PP2D1: variants seen among roughly 807,000 people sequenced by gnomAD.
PP2D1 encodes protein phosphatase 2C like domain containing 1, also known as protein phosphatase 2C-like domain-containing protein 1.
Under a neutral mutation model 30.2 loss-of-function variants are expected in PP2D1, and 25 were observed. The observed-to-expected ratio is 0.83, with a 90% CI of 0.60 to 1.16. The LOEUF is 1.16. PP2D1 is among the 50% of genes most tolerant of loss of function. The probability of loss-of-function intolerance (pLI) is 0.00; values close to 1 mark genes in which losing one functional copy is unlikely to be tolerated. For synonymous variants in PP2D1, 260 were observed against 258.9 expected (o/e 1.00, Z -0.04); for missense variants, 760 against 742.4 (o/e 1.02, Z -0.28).
At chr3:20,002,396 C>A (rs1697267772) in intron 1 of PP2D1, among the ~76,000 whole-genome samples, 1 of 152,076 alleles carries the variant, frequency 6.6e-6, no homozygotes, top group Non-Finnish European at 1.5e-5. Flanking sequence ...TATTTGAGAC[C>A]TGAGATTCTG....
At chr3:19,986,869 T>C (rs1697044775) in intron 2 of PP2D1, among the ~76,000 whole-genome samples, 1 of 152,006 alleles carries the variant, frequency 6.6e-6, no homozygotes, top group Non-Finnish European at 1.5e-5. Flanking sequence ...ACCCCATCTC[T>C]ACTAAAAATA....
chr3:20,007,506 C>T (rs370245526), intron 1 of PP2D1, among the ~76,000 whole-genome samples: 8 of 151,986 alleles, frequency 5.3e-5, no homozygotes, highest in East Asian at 3.9e-4. Context: ...CGGTGGCTCA[C>T]GCCTGTGATC....
intron 2 of PP2D1, among the ~76,000 whole-genome samples, chr3:19,996,276 AAC>A (rs1404341390): frequency 6.6e-6 from 1 of 152,150 alleles, no homozygotes; most frequent in Non-Finnish European, 1.5e-5. Context: ...GCCACTAAAA[AAC>A]AAAAGATCAT....
chr3:19,995,022 GT>G (rs1697159742), intron 2 of PP2D1, among the ~76,000 whole-genome samples: 1 of 152,174 alleles, frequency 6.6e-6, no homozygotes, highest in Non-Finnish European at 1.5e-5. Context: ...GCTTAGGAAT[GT>G]TTTGCCTCAG....
At chr3:19,990,420 G>A (rs1431815056) in intron 2 of PP2D1, among the ~76,000 whole-genome samples, 2 of 152,180 alleles carry the variant, frequency 1.3e-5, no homozygotes, top group Non-Finnish European at 2.9e-5. Context: ...AAAATGCTGG[G>A]ATTACAAGTG....
intron 2 of PP2D1, 111 bp from the exon 3 acceptor site, chr3:19,986,293 A>G (rs1697033851): frequency 2.6e-6 from 2 of 758,476 alleles, no homozygotes; most frequent in East Asian, 2.8e-5. Context: ...AACAGAAAGC[A>G]GGCTATGTAA....
At chr3:19,999,920 C>T (rs1697231037) in intron 2 of PP2D1, among the ~76,000 whole-genome samples, 1 of 152,142 alleles carries the variant, frequency 6.6e-6, no homozygotes, top group Non-Finnish European at 1.5e-5. Flanking sequence ...TGGACATGCA[C>T]TTAGCTTTCT....
At chr3:19,980,516 C>CTGTG (rs1696904700), downstream of PP2D1, among the ~76,000 whole-genome samples, 1 of 150,938 alleles carries the variant, frequency 6.6e-6, no homozygotes, top group Non-Finnish European at 1.5e-5. Flanking sequence ...ACACAGTGCA[C>CTGTG]TCATAACAAC....
intron 1 of PP2D1, among the ~76,000 whole-genome samples, chr3:20,006,409 G>A (rs1697319163): frequency 6.6e-6 from 1 of 152,184 alleles, no homozygotes; most frequent in South Asian, 2.1e-4. Flanking sequence ...GGTATCTGTG[G>A]GGCTTGGTTC....
chr3:19,988,541 G>C (rs1389378307), intron 2 of PP2D1, among the ~76,000 whole-genome samples: 1 of 152,138 alleles, frequency 6.6e-6, no homozygotes, highest in Non-Finnish European at 1.5e-5. Context: ...CAGGTCCTGT[G>C]ATCTCGTTCT....
At chr3:19,989,941 G>A (rs557697892) in intron 2 of PP2D1, among the ~76,000 whole-genome samples, 1 of 151,856 alleles carries the variant, frequency 6.6e-6, no homozygotes, top group Admixed American at 6.6e-5. Flanking sequence ...TGGTAAACAG[G>A]TTATTTTTAT....
intron 2 of PP2D1, among the ~76,000 whole-genome samples, chr3:19,993,284 A>G (rs2929415): frequency 0.73 from 110,741 of 152,084 alleles, 40,970 homozygotes; most frequent in Non-Finnish European, 0.77. Context: ...GGCAGTCTGG[A>G]TCTTAGATTG....
At chr3:19,988,304 TA>T (rs1299325060) in intron 2 of PP2D1, among the ~76,000 whole-genome samples, 1 of 152,110 alleles carries the variant, frequency 6.6e-6, no homozygotes, top group Non-Finnish European at 1.5e-5. Context: ...AATGCATTCC[TA>T]GGGGGAGGTC....
At chr3:19,987,398 TC>T (rs1329481185) in intron 2 of PP2D1, among the ~76,000 whole-genome samples, 1 of 152,188 alleles carries the variant, frequency 6.6e-6, no homozygotes, top group African/African-American at 2.4e-5. Flanking sequence ...TGATATTAAA[TC>T]ATTTATGATT....
chr3:19,985,515 A>G lies in PP2D1; in HGVS notation c.1758T>C (p.Thr586=), dbSNP rs1464699918. The G allele has an allele frequency of 1.3e-6, 2 of 1,535,960 alleles. No homozygotes were observed. The highest frequency in any genetic ancestry group is 2.0e-5 in the Admixed American group (1 of 50,992). Reference sequence around the variant, plus strand: ...CAGCTGCGCCTTCATAGAAACTCTTAGTGTCTGATTCTTTTTCATTTGTTG... The same window carrying G: ...CAGCTGCGCCTTCATAGAAACTCTTGGTGTCTGATTCTTTTTCATTTGTTG... ...DVATNEKESD[T]KSFYEGAAEY... Residue 586 remains threonine, a synonymous_variant, in exon 3 of 3, where the codon ACT becomes ACC. Transcript: ENST00000389050.
At chr3:20,000,523 C>T (rs1428234843) in intron 2 of PP2D1, among the ~76,000 whole-genome samples, 2 of 152,134 alleles carry the variant, frequency 1.3e-5, no homozygotes, top group Non-Finnish European at 2.9e-5. Context: ...AATACACGCT[C>T]ATAAAACTGA....
At chr3:20,006,761 C>T (rs1037628023) in intron 1 of PP2D1, among the ~76,000 whole-genome samples, 1 of 151,768 alleles carries the variant, frequency 6.6e-6, no homozygotes, top group African/African-American at 2.4e-5. Context: ...GCTACTGCAT[C>T]GGCCCTCCCG....
chr3:19,992,662 CT>C (rs1368993579), intron 2 of PP2D1, among the ~76,000 whole-genome samples: 1 of 152,204 alleles, frequency 6.6e-6, no homozygotes, highest in African/African-American at 2.4e-5. Context: ...AAAGCTAGTA[CT>C]GTTCATTTGA....
intron 2 of PP2D1, among the ~76,000 whole-genome samples, chr3:19,990,157 T>C (rs569464796): frequency 4.9e-4 from 75 of 152,274 alleles, no homozygotes; most frequent in Non-Finnish European, 9.4e-4. Context: ...AAAAGGGAGA[T>C]AATGCGAGAC....
Sources: allele counts gnomAD v4.1 joint callset (sites outside exome capture counted in the v4.1 genomes callset), GRCh38; gene constraint gnomAD v4.1.1; transcripts MANE v1.5; gene names NCBI Gene and HGNC (gene_info 2026-07-23, HGNC 2026-07-21).